Variants in NXN observed in about 807,000 individuals in gnomAD.
NXN encodes nucleoredoxin.
Under a neutral mutation model 48.6 loss-of-function variants are expected in NXN, and 16 were observed. That is an observed-to-expected ratio of 0.33 (90% CI 0.22 to 0.50). NXN has a LOEUF of 0.50. Among genes scored for constraint, NXN ranks in the 20% least tolerant of loss-of-function variants. NXN has a pLI of 0.98. For missense variants in NXN, 492 were observed against 605.5 expected (o/e 0.81, Z 1.97); for synonymous variants, 281 against 269.6 (o/e 1.04, Z -0.41).
At chr17:834,979 C>T (rs1034556033) in intron 1 of NXN, among the ~76,000 whole-genome samples, 1 of 151,474 alleles carries the variant, frequency 6.6e-6, no homozygotes, top group East Asian at 2.0e-4. Context: ...TGGTCTTCTA[C>T]CACAGCCACC....
At chr17:802,706 G>A (rs760241044) in intron 7 of NXN, among the ~76,000 whole-genome samples, 2 of 152,096 alleles carry the variant, frequency 1.3e-5, no homozygotes, top group Non-Finnish European at 2.9e-5. Flanking sequence ...CTCCACCCCC[G>A]GGCTGAGCAG....
chr17:870,921 C>T (rs892093249), intron 1 of NXN, among the ~76,000 whole-genome samples: 21 of 152,106 alleles, frequency 1.4e-4, no homozygotes, highest in Middle Eastern at 3.4e-3. Context: ...TGCAGTGGTG[C>T]GATCTCAGTT....
chr17:838,781 A>G (rs1444408609), intron 1 of NXN, among the ~76,000 whole-genome samples: 1 of 152,120 alleles, frequency 6.6e-6, no homozygotes, highest in African/African-American at 2.4e-5. Flanking sequence ...CTTCAAACAC[A>G]CTGAACTATC....
chr17:817,466 G>A (rs1273171647), intron 5 of NXN, among the ~76,000 whole-genome samples: 3 of 151,348 alleles, frequency 2.0e-5, no homozygotes, highest in Non-Finnish European at 2.9e-5. Context: ...TCAAGAGATC[G>A]AGACCATCCT....
intron 6 of NXN, 44 bp downstream of exon 6, chr17:805,024 G>GCCCCCCCCCCCCCCCCC: frequency 2.9e-6 from 4 of 1,380,606 alleles, no homozygotes; most frequent in Non-Finnish European, 4.0e-6. Flanking sequence ...CTCCTGTCCC[G>GCCCCCCCCCCCCCCCCC]CCCCCCAGCC....
At chr17:946,707 C>A (rs1030802584) in intron 1 of NXN, among the ~76,000 whole-genome samples, 7 of 151,692 alleles carry the variant, frequency 4.6e-5, no homozygotes, top group African/African-American at 7.3e-5. Context: ...GGAGGGACGA[C>A]CCCCCGCAGC....
intron 1 of NXN, among the ~76,000 whole-genome samples, chr17:970,232 A>G (rs1878092993): frequency 1.3e-5 from 2 of 152,168 alleles, no homozygotes; most frequent in South Asian, 4.1e-4. Context: ...CAGAAAGCAC[A>G]GGTTTGAGAT....
intron 1 of NXN, among the ~76,000 whole-genome samples, chr17:912,873 G>A (rs2068650188): frequency 6.6e-6 from 1 of 152,072 alleles, no homozygotes; most frequent in Non-Finnish European, 1.5e-5. Context: ...AGAATCGCTT[G>A]AACCCGGGAG....
In NXN at chr17:978,261, C is replaced by T. The variant is rs1041944721; in HGVS notation, c.360+1058G>A. 6.6e-6 allele frequency: 1 copy of T among 152,212 alleles called. No individual in the cohort carries two copies. The highest frequency in any genetic ancestry group is 2.4e-5 in the African/African-American group (1 of 41,444). The allele number at this position is 152,212 out of a possible 1,614,324, so 9.4% of individuals were successfully genotyped here. On this transcript the variant is annotated intron_variant, in intron 1 of 7. Coordinates refer to ENST00000336868, the MANE Select transcript of NXN (RefSeq NM_022463.5). This position sits in a 1 kb window ranked among gnomAD's most constrained non-coding sequence, Gnocchi z 4.1. ...ATTCACACGTTGCATCATATACACT[C>T]ACGAAGCAACAGCGCTCCAAAACTT... is the stretch of plus-strand genomic sequence containing the variant.
At chr17:950,814 G>C (rs1262971740) in intron 1 of NXN, among the ~76,000 whole-genome samples, 1 of 151,892 alleles carries the variant, frequency 6.6e-6, no homozygotes, top group Non-Finnish European at 1.5e-5. Flanking sequence ...AGGGGAAAGA[G>C]TCGGACGAAA....
chr17:926,527 GTTTTTTGTTTTTTTTTTGT>G lies in NXN; in HGVS notation c.360+52773_360+52791del, dbSNP rs771678202. On this transcript the variant is annotated intron_variant, in intron 1 of 7. Transcript: ENST00000336868. ...CTCTTTATTAACAGGAGTATCCCATGTTTTTTGTTTTTTTTTTGTTTTTTTGTTTTTTTTTTGAGACAAG... is the reference window on the plus strand; with the variant it reads ...CTCTTTATTAACAGGAGTATCCCATGTTTTTTGTTTTTTTTTTGAGACAAG... Among the ~76,000 whole-genome samples the G allele has an allele frequency of 6.8e-3, 386 of 56,358 alleles. 1 individual carries two copies. The highest frequency in any genetic ancestry group is 0.013 in the Non-Finnish European group (292 of 22,144). 37.0% of individuals were successfully genotyped at this position (56,358 alleles called of 152,430 possible). A position where few individuals can be genotyped will look rare whatever the true frequency, so the allele number is the denominator to read the frequency against.
intron 1 of NXN, among the ~76,000 whole-genome samples, chr17:939,736 T>C (rs2068949395): frequency 6.6e-6 from 1 of 152,180 alleles, no homozygotes; most frequent in Admixed American, 6.5e-5. Context: ...CGTGCCTACA[T>C]AGGAAAAGAC....
At chr17:936,397 G>A (rs1254545726) in intron 1 of NXN, among the ~76,000 whole-genome samples, 1 of 152,000 alleles carries the variant, frequency 6.6e-6, no homozygotes, top group African/African-American at 2.4e-5. Context: ...CGGTGAGGTG[G>A]TGAGTGTGCA....
intron 5 of NXN, 164 bp downstream of exon 5, chr17:819,275 A>C (rs1353274290): frequency 1.8e-5 from 12 of 673,368 alleles, no homozygotes; most frequent in Non-Finnish European, 3.2e-5. Flanking sequence ...AAAATGGCTT[A>C]GAATTCACAC....
intron 1 of NXN, among the ~76,000 whole-genome samples, chr17:945,359 AGT>A (rs1054947854): frequency 2.6e-5 from 4 of 151,980 alleles, no homozygotes; most frequent in African/African-American, 9.7e-5. Flanking sequence ...TGGGATTCCA[AGT>A]GTGAGCCACT....
chr17:832,784 G>A (rs1212370337), intron 1 of NXN, among the ~76,000 whole-genome samples: 1 of 152,016 alleles, frequency 6.6e-6, no homozygotes, highest in African/African-American at 2.4e-5. Context: ...CAGGAGCACA[G>A]GAGGTCTCTG....
At chr17:872,767 C>T (rs550027497) in intron 1 of NXN, among the ~76,000 whole-genome samples, 54 of 151,900 alleles carry the variant, frequency 3.6e-4, no homozygotes, top group Non-Finnish European at 7.2e-4. Context: ...ATTACAGGCG[C>T]CTGCCACCAC....
chr17:866,688 G>A (rs1597676287), intron 1 of NXN, among the ~76,000 whole-genome samples: 1 of 152,204 alleles, frequency 6.6e-6, no homozygotes, highest in South Asian at 2.1e-4. Flanking sequence ...TATAAAGAAA[G>A]AAAAAGTCCT....
intron 1 of NXN, among the ~76,000 whole-genome samples, chr17:892,314 G>A (rs938957056): frequency 6.6e-6 from 1 of 152,088 alleles, no homozygotes; most frequent in African/African-American, 2.4e-5. Context: ...TAGAACTTAG[G>A]GCATTTTAAT....
Sources: allele counts gnomAD v4.1 joint callset (sites outside exome capture counted in the v4.1 genomes callset), GRCh38; gene constraint gnomAD v4.1.1; non-coding constraint Gnocchi (gnomAD v3.1); transcripts MANE v1.5; gene names NCBI Gene and HGNC (gene_info 2026-07-23, HGNC 2026-07-21).